The following TRAF3IP1 variants were observed in gnomAD, a reference collection of about 807,000 sequenced individuals.
TRAF3IP1 encodes intraflagellar transport 54.
Under a neutral mutation model 89.9 loss-of-function variants are expected in TRAF3IP1, and 53 were observed. The observed-to-expected ratio is 0.59, with a 90% CI of 0.47 to 0.74. TRAF3IP1 has a LOEUF of 0.74. Ranked by LOEUF, TRAF3IP1 falls within the 30% of genes least tolerant of loss-of-function variation. The pLI is 0.00. For synonymous variants in TRAF3IP1, 311 were observed against 322.1 expected (o/e 0.97, Z 0.37); for missense variants, 806 against 866.1 (o/e 0.93, Z 0.87).
At chr2:238,325,117 T>A (rs963469085) in intron 1 of TRAF3IP1, among the ~76,000 whole-genome samples, 189 bp from the exon 2 acceptor site, 4 of 152,180 alleles carry the variant, frequency 2.6e-5, no homozygotes, top group African/African-American at 9.7e-5. Flanking sequence ...CAGACTAAGT[T>A]CTGAGAGGAT....
chr2:238,328,321 C>T (rs1316027830), intron 3 of TRAF3IP1, among the ~76,000 whole-genome samples: 1 of 152,070 alleles, frequency 6.6e-6, no homozygotes, highest in African/African-American at 2.4e-5. Flanking sequence ...TCTTAAGGCA[C>T]TTATGGCTGG....
chr2:238,329,147 C>G lies in TRAF3IP1; in HGVS notation c.720C>G (p.Asp240Glu). The change falls in exon 5 of 17, where the codon GAC (aspartate) becomes GAG (glutamate). Residue 240 changes from aspartate to glutamate, a missense_variant. Around this residue, in one of 3 missense-constraint regions of TRAF3IP1, gnomAD observed 732 missense variants for 780.5 expected, o/e 0.94. Transcript: ENST00000373327. ...AAGACAGAGGCAACAGGGAGCGGGA[C>G]AGAGACTCCGAGCGCAAGAAGGAGA... Reference protein sequence around the residue: ...RQKDRGNRERDRDSERKKETE... With the variant: ...RQKDRGNRERERDSERKKETE... The G allele has an allele frequency of 1.3e-6, 2 of 1,550,786 alleles. No individual in the cohort carries two copies. Among genetic ancestry groups the G allele is most frequent in the Non-Finnish European group, 1.7e-6 (2 of 1,148,664 alleles).
intron 15 of TRAF3IP1, among the ~76,000 whole-genome samples, chr2:238,396,747 C>T (rs1019079716): frequency 1.3e-5 from 2 of 152,140 alleles, no homozygotes; most frequent in Non-Finnish European, 2.9e-5. Flanking sequence ...TCTGCGTCCT[C>T]CTCACCTCCT....
At chr2:238,352,455 G>A (rs567202734) in intron 12 of TRAF3IP1, among the ~76,000 whole-genome samples, 1 of 152,292 alleles carries the variant, frequency 6.6e-6, no homozygotes, top group South Asian at 2.1e-4. Flanking sequence ...AGCAGCAGGT[G>A]AAGGGCTGGT....
At chr2:238,340,553 C>T (rs1037706869) in intron 8 of TRAF3IP1, among the ~76,000 whole-genome samples, 1 of 152,160 alleles carries the variant, frequency 6.6e-6, no homozygotes, top group Non-Finnish European at 1.5e-5. Flanking sequence ...CAATTTCTTC[C>T]TGTACTCCAG....
At chr2:238,381,141 A>AT (rs148374609) in intron 15 of TRAF3IP1, among the ~76,000 whole-genome samples, 33,027 of 132,772 alleles carry the variant, frequency 0.25, 4,696 homozygotes, top group Middle Eastern at 0.44. Flanking sequence ...TTATTTATTT[A>AT]TTTTTTTTTT....
rs1378500483 is a variant in TRAF3IP1 at position 238,333,987 on chromosome 2, T to A, written c.1015T>A (p.Ser339Thr). The A allele has an allele frequency of 6.2e-7, 1 of 1,610,452 alleles. No individual in the cohort carries two copies. The highest frequency in any genetic ancestry group is 8.5e-7 in the Non-Finnish European group (1 of 1,178,130). The change falls in exon 7 of 17, where the codon TCA becomes ACA. Residue 339 changes from serine (S) to threonine (T), a missense_variant. By Grantham distance (58) the Ser-to-Thr change is moderately conservative (BLOSUM62 1). Around this residue, in one of 3 missense-constraint regions of TRAF3IP1, gnomAD observed 732 missense variants for 780.5 expected, o/e 0.94. Transcript: ENST00000373327. ...TGAGATTTCCACTAGAGCTTCCAAG[T>A]CATTGACAACAAAAACATCAAAACG... Reference protein sequence around the residue: ...ETEISTRASKSLTTKTSKRRS... With the variant: ...ETEISTRASKTLTTKTSKRRS...
chr2:238,342,155 AT>A (rs143459276), intron 8 of TRAF3IP1, among the ~76,000 whole-genome samples: 1 of 151,734 alleles, frequency 6.6e-6, no homozygotes, highest in African/African-American at 2.4e-5. Context: ...GGTTCAGCTA[AT>A]TTTTGTGTTT....
chr2:238,322,146 C>T (rs1266818089), intron 1 of TRAF3IP1, among the ~76,000 whole-genome samples: 1 of 152,236 alleles, frequency 6.6e-6, no homozygotes, highest in Non-Finnish European at 1.5e-5. Flanking sequence ...TCACCACCGT[C>T]CCGTGAAGTA....
At chr2:238,382,977 C>T (rs1700608434) in intron 15 of TRAF3IP1, among the ~76,000 whole-genome samples, 1 of 152,108 alleles carries the variant, frequency 6.6e-6, no homozygotes, top group Non-Finnish European at 1.5e-5. Flanking sequence ...GGCTTTTTAT[C>T]GCCCATAGGA....
At chr2:238,384,165 A>G (rs706776) in intron 15 of TRAF3IP1, among the ~76,000 whole-genome samples, 38,337 of 151,584 alleles carry the variant, frequency 0.25, 5,861 homozygotes, top group Middle Eastern at 0.45. Context: ...TCATCCCCAC[A>G]CAAGATCTGG....
At chr2:238,364,421 T>C (rs534929658) in intron 15 of TRAF3IP1, among the ~76,000 whole-genome samples, 1 of 151,768 alleles carries the variant, frequency 6.6e-6, no homozygotes, top group African/African-American at 2.4e-5. Flanking sequence ...TTTTTCTTTC[T>C]TCAGGTTTAT....
chr2:238,395,538 T>A (rs1701173706), intron 15 of TRAF3IP1, among the ~76,000 whole-genome samples: 1 of 152,076 alleles, frequency 6.6e-6, no homozygotes, highest in Non-Finnish European at 1.5e-5. Context: ...AAATGGGATC[T>A]AATTAAACTA....
intron 15 of TRAF3IP1, among the ~76,000 whole-genome samples, chr2:238,360,078 G>GTA (rs1220284743): frequency 6.6e-6 from 1 of 152,196 alleles, no homozygotes; most frequent in Non-Finnish European, 1.5e-5. Flanking sequence ...TGTACAGTGT[G>GTA]TATATATACT....
intron 8 of TRAF3IP1, among the ~76,000 whole-genome samples, chr2:238,341,795 G>A (rs1698672854): frequency 6.6e-6 from 1 of 152,124 alleles, no homozygotes; most frequent in Admixed American, 6.6e-5. Context: ...CTGCGGCTCA[G>A]GAAGGCTGAG....
chr2:238,330,539 G>C (rs1425237707), intron 5 of TRAF3IP1, among the ~76,000 whole-genome samples: 1 of 152,218 alleles, frequency 6.6e-6, no homozygotes, highest in East Asian at 1.9e-4. Context: ...TGATCCGGCC[G>C]GGCAGTGAGG....
intron 15 of TRAF3IP1, among the ~76,000 whole-genome samples, chr2:238,372,816 C>G (rs905227775): frequency 6.6e-6 from 1 of 152,136 alleles, no homozygotes; most frequent in Non-Finnish European, 1.5e-5. Flanking sequence ...TTTTTAATGA[C>G]TGCCATTCTA....
At chr2:238,331,299 TAAA>T (rs61126298) in intron 5 of TRAF3IP1, among the ~76,000 whole-genome samples, 10 of 120,014 alleles carry the variant, frequency 8.3e-5, no homozygotes, top group Admixed American at 8.5e-5. Flanking sequence ...CCATCTCTAC[TAAA>T]AAAAAAAAAA....
chr2:238,321,209 G>A (rs997343417), intron 1 of TRAF3IP1, among the ~76,000 whole-genome samples: 2 of 152,220 alleles, frequency 1.3e-5, no homozygotes, highest in Admixed American at 1.3e-4. Flanking sequence ...TTCCCTGCCT[G>A]CCCTTGTATT....
Sources: gnomAD v4.1 joint callset for allele counts (sites outside exome capture counted in the v4.1 genomes callset) on GRCh38, gnomAD v4.1.1 for gene constraint, gnomAD v4.1.1 regional missense constraint, MANE v1.5 for transcripts, NCBI Gene and HGNC (gene_info 2026-07-23, HGNC 2026-07-21) for gene names.